The following SLC9A9 variants were observed in gnomAD, a reference collection of about 807,000 sequenced individuals.
The protein encoded by SLC9A9 is solute carrier family 9 member A9.
In SLC9A9, 62 loss-of-function variants were observed where a neutral mutation model predicts 77.8. The ratio of observed to expected loss-of-function variants is 0.80; its 90% CI spans 0.65 to 0.98. The LOEUF (loss-of-function observed/expected upper bound fraction) is 0.98. Among genes scored for constraint, SLC9A9 ranks in the 50% least tolerant of loss-of-function variants. SLC9A9 has a pLI of 0.00. For synonymous variants in SLC9A9, 320 were observed against 283.5 expected (o/e 1.13, Z -1.29); for missense variants, 775 against 774.9 (o/e 1.00, Z 0.00).
chr3:143,797,960 A>G (rs2008434732), intron 2 of SLC9A9, among the ~76,000 whole-genome samples: 1 of 152,130 alleles, frequency 6.6e-6, no homozygotes, highest in Non-Finnish European at 1.5e-5. Context: ...CATGACTCGG[A>G]TCAGGGGACC....
In SLC9A9 at chr3:143,440,574, T is replaced by C. The variant is rs374535324; in HGVS notation, c.1469+26463A>G. 4.1e-4 allele frequency among the ~76,000 whole-genome samples: 63 copies of C among 152,210 alleles called. 2 individuals carry two copies. Among genetic ancestry groups the C allele is most frequent in the East Asian group, 3.5e-3 (18 of 5,186 alleles). ...CTCTCAAAGCCCGCATGGCTCACGA[T>C]GCTCTTCATGTTCCACAGGGTATCC... is the stretch of plus-strand genomic sequence containing the variant. On this transcript the variant is annotated intron_variant, in intron 12 of 15. Transcript: ENST00000316549.
intron 9 of SLC9A9, among the ~76,000 whole-genome samples, chr3:143,547,410 T>C (rs2036808043): frequency 1.3e-5 from 2 of 152,240 alleles, no homozygotes; most frequent in South Asian, 2.1e-4. Flanking sequence ...ACTTAACAAG[T>C]CAACCCTGGG....
intron 4 of SLC9A9, among the ~76,000 whole-genome samples, chr3:143,752,834 GGAAAA>G (rs2006782220): frequency 6.6e-6 from 1 of 152,072 alleles, no homozygotes; most frequent in Admixed American, 6.5e-5. Flanking sequence ...CAATGGATAT[GGAAAA>G]GAAAAGAAGT....
At chr3:143,461,039 T>C (rs895125753) in intron 12 of SLC9A9, among the ~76,000 whole-genome samples, 2 of 152,194 alleles carry the variant, frequency 1.3e-5, no homozygotes, top group Admixed American at 6.5e-5. Flanking sequence ...GGATTGACAT[T>C]GATTAAATTG....
intron 12 of SLC9A9, among the ~76,000 whole-genome samples, chr3:143,396,282 AG>A (rs1392015066): frequency 2.6e-5 from 4 of 152,242 alleles, no homozygotes; most frequent in African/African-American, 9.6e-5. Context: ...AAAAATGATG[AG>A]TTCCTGTCCT....
Position 143,752,170 on chromosome 3 carries a change from C to T in SLC9A9, c.533+42831G>A, listed in dbSNP as rs185877010. ...AGCTGCAGCAGCAGAGTGCACACCA[C>T]CCCATCCTTATGTGGAAAGAAAATG... On this transcript the variant is annotated intron_variant, in intron 4 of 15. Transcript: ENST00000316549. 1.9e-3 allele frequency among the ~76,000 whole-genome samples: 284 copies of T among 152,276 alleles called. 2 individuals are homozygous for T. Among genetic ancestry groups the T allele is most frequent in the Non-Finnish European group, 2.0e-3 (139 of 68,024 alleles).
At position 143,382,129 on chromosome 3, in the gene SLC9A9, C is replaced by T. The variant is rs1208736411; in HGVS notation, c.1470-15G>A. On this transcript the variant is annotated splice_polypyrimidine_tract_variant and intron_variant, in intron 12 of 15. Coordinates refer to ENST00000316549, the MANE Select transcript of SLC9A9 (RefSeq NM_173653.4). ...CCACGCCAACTCTGTTAAACAAAAC[C>T]AAAAACTGGTCAATCCCCTGCTGCA... 1 of 1,613,968 alleles carries T rather than the reference C, an allele frequency of 6.2e-7. No individual in the cohort carries two copies. The highest frequency in any genetic ancestry group is 1.3e-5 in the African/African-American group (1 of 74,902).
At chr3:143,724,915 T>G (rs1934597035) in intron 4 of SLC9A9, among the ~76,000 whole-genome samples, 2 of 151,854 alleles carry the variant, frequency 1.3e-5, no homozygotes, top group Admixed American at 6.6e-5. Flanking sequence ...TGGCTCAAAA[T>G]CCTCATGATA....
At chr3:143,831,324 G>T (rs1325168138) in intron 2 of SLC9A9, among the ~76,000 whole-genome samples, 1 of 152,144 alleles carries the variant, frequency 6.6e-6, no homozygotes, top group Admixed American at 6.6e-5. Flanking sequence ...CACCACAAAA[G>T]ATAACCTAAC....
intron 6 of SLC9A9, among the ~76,000 whole-genome samples, chr3:143,581,240 T>C (rs765524806): frequency 1.3e-4 from 20 of 151,710 alleles, no homozygotes; most frequent in Non-Finnish European, 1.9e-4. Flanking sequence ...GGCAGGTGAG[T>C]TCAGGGCAAT....
chr3:143,349,208 A>ATC (rs1231223110), intron 14 of SLC9A9, among the ~76,000 whole-genome samples: 1 of 152,164 alleles, frequency 6.6e-6, no homozygotes, highest in Non-Finnish European at 1.5e-5. Flanking sequence ...TCCATCACTG[A>ATC]GCTGGAACAA....
chr3:143,467,374 T>C (rs1033789274), intron 11 of SLC9A9, among the ~76,000 whole-genome samples, 184 bp from the exon 12 acceptor site: 5 of 152,324 alleles, frequency 3.3e-5, no homozygotes, highest in Middle Eastern at 6.8e-3. Context: ...ATTTCTTCAG[T>C]TTCCCCTCAA....
At chr3:143,673,509 C>T (rs1307603626) in intron 5 of SLC9A9, among the ~76,000 whole-genome samples, 2 of 124,986 alleles carry the variant, frequency 1.6e-5, no homozygotes, top group Admixed American at 1.8e-4. Context: ...AGTGAAATAC[C>T]AATCCAAATA....
At chr3:143,789,189 A>G (rs1474718389) in intron 4 of SLC9A9, among the ~76,000 whole-genome samples, 1 of 152,204 alleles carries the variant, frequency 6.6e-6, no homozygotes, top group Admixed American at 6.5e-5. Context: ...GTACATGGTA[A>G]AATCATAGCA....
At chr3:143,476,958 A>G (rs1052313072) in intron 11 of SLC9A9, among the ~76,000 whole-genome samples, 1 of 152,238 alleles carries the variant, frequency 6.6e-6, no homozygotes, top group Non-Finnish European at 1.5e-5. Context: ...GAAACCTAGC[A>G]TAAGTTTCCA....
In SLC9A9 at chr3:143,653,264, A is replaced by T. The variant is rs560043042; in HGVS notation, c.650-904T>A. 1.1e-4 allele frequency among the ~76,000 whole-genome samples: 17 copies of T among 152,290 alleles called. No individual in the cohort carries two copies. The East Asian group carries it at 3.1e-3, about 28-fold the overall frequency. On this transcript the variant is annotated intron_variant, in intron 5 of 15. Coordinates refer to ENST00000316549, the MANE Select transcript of SLC9A9 (RefSeq NM_173653.4). ...CATGTTCTTGTATTGAGCCTCTGTGAGTACATTAGGGCAGTCAATACTCAC... is the reference window on the plus strand; with the variant it reads ...CATGTTCTTGTATTGAGCCTCTGTGTGTACATTAGGGCAGTCAATACTCAC...
intron 6 of SLC9A9, among the ~76,000 whole-genome samples, chr3:143,584,495 A>G (rs1358233228): frequency 6.6e-6 from 1 of 152,232 alleles, no homozygotes; most frequent in Non-Finnish European, 1.5e-5. Flanking sequence ...AACATATTGT[A>G]TCTCTTGCAG....
chr3:143,490,889 C>T (rs1205708118), intron 11 of SLC9A9, among the ~76,000 whole-genome samples: 1 of 152,060 alleles, frequency 6.6e-6, no homozygotes, highest in African/African-American at 2.4e-5. Context: ...AGTGAAAAAT[C>T]CAATGTTCTT....
intron 12 of SLC9A9, among the ~76,000 whole-genome samples, chr3:143,396,399 G>A (rs2033729620): frequency 1.3e-5 from 2 of 152,152 alleles, no homozygotes; most frequent in Admixed American, 1.3e-4. Context: ...TGAACCATGA[G>A]AACACATGGA....
Sources: allele counts gnomAD v4.1 joint callset (sites outside exome capture counted in the v4.1 genomes callset), GRCh38; gene constraint gnomAD v4.1.1; transcripts MANE v1.5; gene names NCBI Gene and HGNC (gene_info 2026-07-23, HGNC 2026-07-21).